RPRD1A: variants seen among roughly 807,000 people sequenced by gnomAD.
The protein encoded by RPRD1A is regulation of nuclear pre-mRNA domain-containing protein 1A.
In RPRD1A, 9 loss-of-function variants were observed where a neutral mutation model predicts 37.8. That is an observed-to-expected ratio of 0.24 (90% CI 0.14 to 0.42). The LOEUF (loss-of-function observed/expected upper bound fraction) is 0.42. Among genes scored for constraint, RPRD1A ranks in the 10% least tolerant of loss-of-function variants. The pLI is 1.00. For synonymous variants in RPRD1A, 138 were observed against 139.7 expected, an observed-to-expected ratio of 0.99 and a Z score of 0.08; for missense variants, 255 against 371.0, an observed-to-expected ratio of 0.69 and a Z score of 2.57.
intron 6 of RPRD1A, among the ~76,000 whole-genome samples, chr18:36,002,784 T>C (rs1382126403): frequency 6.6e-6 from 1 of 152,230 alleles, no homozygotes; most frequent in African/African-American, 2.4e-5. Flanking sequence ...TAATTTCTTA[T>C]TGAAACCCAA....
chr18:36,006,804 A>G (rs544914903), intron 6 of RPRD1A, among the ~76,000 whole-genome samples: 1 of 152,256 alleles, frequency 6.6e-6, no homozygotes, highest in East Asian at 1.9e-4. Context: ...CAACCTAACA[A>G]TCCTAGAACC....
chr18:36,029,287 A>G (rs1473398155), intron 4 of RPRD1A, among the ~76,000 whole-genome samples: 1 of 152,130 alleles, frequency 6.6e-6, no homozygotes, highest in Non-Finnish European at 1.5e-5. Context: ...TTCATGGGGG[A>G]AAGAGCTCCT....
At position 35,993,146 on chromosome 18, in the gene RPRD1A, G is replaced by T. The variant is rs748379621; in HGVS notation, c.*5C>A. The T allele has an allele frequency of 1.2e-6, 2 of 1,612,814 alleles. No individual in the cohort carries two copies. The highest frequency in any genetic ancestry group is 3.3e-5 in the Admixed American group (2 of 59,908). ...AGTCCTGGGACCTGGAAAGAGGCTG[G>T]TCCATCAATCTTCACTGTAGATGTC... On this transcript the variant is annotated 3_prime_UTR_variant, in exon 7 of 7. Transcript: ENST00000399022.
chr18:36,004,651 AACAG>A (rs1165293960), intron 6 of RPRD1A, among the ~76,000 whole-genome samples: 1 of 152,184 alleles, frequency 6.6e-6, no homozygotes, highest in East Asian at 1.9e-4. Context: ...CATGTAGATA[AACAG>A]ACCTTAAAAA....
intron 6 of RPRD1A, among the ~76,000 whole-genome samples, chr18:36,020,731 G>A (rs974390089): frequency 1.3e-5 from 2 of 152,104 alleles, no homozygotes; most frequent in Admixed American, 6.5e-5. Flanking sequence ...TTGGGAGGCT[G>A]AGGCAGGAGG....
chr18:36,045,657 C>T (rs1912901168), intron 1 of RPRD1A, among the ~76,000 whole-genome samples: 1 of 152,224 alleles, frequency 6.6e-6, no homozygotes, highest in Non-Finnish European at 1.5e-5. Context: ...AAGAATTAGA[C>T]ATTCGCAACT....
Position 35,990,777 on chromosome 18 carries a change from T to C in RPRD1A, c.*2374A>G, listed in dbSNP as rs1034365918. ...ATTATAATACCCCCAACTAATCCCA[T>C]TTCTTGAGAAAATGAAGTCTTCCTT... On this transcript the variant is annotated 3_prime_UTR_variant, in exon 7 of 7. Coordinates refer to ENST00000399022, the MANE Select transcript of RPRD1A (RefSeq NM_018170.5). The C allele has an allele frequency of 2.6e-5, 4 of 152,190 alleles. No individual in the cohort carries two copies. The highest frequency in any genetic ancestry group is 1.3e-4 in the Admixed American group (2 of 15,278). The allele number at this position is 152,190 out of a possible 1,614,324, so 9.4% of individuals were successfully genotyped here.
rs2089057104 is a variant in RPRD1A, at chr18:36,067,517, A to G, written c.-113T>C. The G allele has an allele frequency of 2.6e-6, 3 of 1,143,482 alleles. No individual in the cohort carries two copies. Among genetic ancestry groups the G allele is most frequent in the Non-Finnish European group, 2.4e-6 (2 of 823,882 alleles). The allele number at this position is 1,143,482 out of a possible 1,614,324, so 70.8% of individuals were successfully genotyped here. ...CCCCACCCTTCCCCACGCTCTCACC[A>G]CGGCCGCCGCTTCATCCAAGACCGG... On this transcript the variant is annotated 5_prime_UTR_variant, in exon 1 of 7. Coordinates refer to ENST00000399022, the MANE Select transcript of RPRD1A (RefSeq NM_018170.5).
rs1352029469 is a variant in RPRD1A at position 36,067,436 on chromosome 18, C to A, written c.-32G>T. ...GACACCACGTTCACGCCGTCCCACG[C>A]GGTGGGGCCGAGGGGAGGAGAGTTT... On this transcript the variant is annotated 5_prime_UTR_variant, in exon 1 of 7. Transcript: ENST00000399022. 3.1e-6 allele frequency: 5 copies of A among 1,590,032 alleles called. No individual in the cohort carries two copies. The highest frequency in any genetic ancestry group is 4.3e-6 in the Non-Finnish European group (5 of 1,167,538).
At chr18:36,030,617 A>C (rs1176807413) in intron 4 of RPRD1A, among the ~76,000 whole-genome samples, 191 bp downstream of exon 4, 3 of 152,224 alleles carry the variant, frequency 2.0e-5, no homozygotes, top group Admixed American at 2.0e-4. Flanking sequence ...TTCTATGCAA[A>C]ATATACAATA....
intron 6 of RPRD1A, among the ~76,000 whole-genome samples, chr18:36,015,367 C>A (rs973322188): frequency 6.6e-6 from 1 of 152,044 alleles, no homozygotes; most frequent in African/African-American, 2.4e-5. Context: ...TGCCAGCCAC[C>A]ACGTCCGGCT....
At chr18:36,010,026 T>C (rs1484802313) in intron 6 of RPRD1A, among the ~76,000 whole-genome samples, 1 of 152,230 alleles carries the variant, frequency 6.6e-6, no homozygotes, top group African/African-American at 2.4e-5. Context: ...GTAAGATATA[T>C]TTACATACAT....
chr18:36,010,881 A>C (rs779780837), intron 6 of RPRD1A, among the ~76,000 whole-genome samples: 3 of 152,250 alleles, frequency 2.0e-5, no homozygotes, highest in Non-Finnish European at 4.4e-5. Flanking sequence ...AATCTCAAAA[A>C]ACTGATTCAA....
chr18:36,045,411 T>G (rs1255104226), intron 1 of RPRD1A, among the ~76,000 whole-genome samples: 1 of 152,146 alleles, frequency 6.6e-6, no homozygotes, highest in Non-Finnish European at 1.5e-5. Flanking sequence ...TGCCTCGGAA[T>G]CACCAAGAAA....
chr18:36,007,873 G>A (rs1240537868), intron 6 of RPRD1A, among the ~76,000 whole-genome samples: 2 of 152,258 alleles, frequency 1.3e-5, no homozygotes, highest in East Asian at 1.9e-4. Flanking sequence ...AGGAGGTGGA[G>A]GTTGCAGTGA....
intron 1 of RPRD1A, among the ~76,000 whole-genome samples, chr18:36,060,891 G>A (rs949349925): frequency 6.6e-6 from 1 of 152,018 alleles, no homozygotes; most frequent in African/African-American, 2.4e-5. Context: ...CTACTCGGGA[G>A]GCTGAGGCAG....
chr18:36,000,583 C>T (rs1242595253), intron 6 of RPRD1A, among the ~76,000 whole-genome samples: 2 of 152,168 alleles, frequency 1.3e-5, no homozygotes, highest in South Asian at 2.1e-4. Flanking sequence ...GTAGATGTTA[C>T]AAAGAAACTT....
At chr18:36,024,447 C>T (rs1046723810) in intron 6 of RPRD1A, among the ~76,000 whole-genome samples, 4 of 151,884 alleles carry the variant, frequency 2.6e-5, no homozygotes, top group African/African-American at 9.7e-5. Context: ...TGAACCACCA[C>T]ACCCGGCCCA....
intron 1 of RPRD1A, among the ~76,000 whole-genome samples, chr18:36,045,004 C>A (rs1160412555): frequency 6.6e-6 from 1 of 152,068 alleles, no homozygotes; most frequent in African/African-American, 2.4e-5. Flanking sequence ...CTTTGGGAGG[C>A]CAAAGTGGGT....
Sources: allele counts gnomAD v4.1 joint callset (sites outside exome capture counted in the v4.1 genomes callset), GRCh38; gene constraint gnomAD v4.1.1; transcripts MANE v1.5; gene names NCBI Gene and HGNC (gene_info 2026-07-23, HGNC 2026-07-21).